LINGO2: variants seen among roughly 807,000 people sequenced by gnomAD.
LINGO2 encodes the protein leucine-rich repeat and immunoglobulin-like domain-containing nogo receptor-interacting protein 2.
In LINGO2, 14 loss-of-function variants were observed where a neutral mutation model predicts 30.6. The ratio of observed to expected loss-of-function variants is 0.46; its 90% CI spans 0.30 to 0.72. The LOEUF is 0.72. LINGO2 is among the 30% of genes least tolerant of loss of function. The pLI is 0.07. For synonymous variants in LINGO2, 317 were observed against 288.5 expected, an observed-to-expected ratio of 1.10 and a Z score of -1.00; for missense variants, 729 against 751.7, an observed-to-expected ratio of 0.97 and a Z score of 0.35.
At chr9:28,003,382 G>GATAGATAT (rs1406268724) in intron 5 of LINGO2, among the ~76,000 whole-genome samples, 159 of 137,078 alleles carry the variant, frequency 1.2e-3, no homozygotes, top group African/African-American at 4.3e-3. Flanking sequence ...TAGATAGATA[G>GATAGATAT]ATATAGAGAG....
intron 1 of LINGO2, among the ~76,000 whole-genome samples, chr9:28,607,729 G>C (rs1418669336): frequency 1.3e-5 from 2 of 151,942 alleles, no homozygotes; most frequent in East Asian, 3.9e-4. Flanking sequence ...TGTCAAATCT[G>C]ATTGAAATAC....
the LINGO2 span, among the ~76,000 whole-genome samples, chr9:29,162,551 G>A: frequency 2.0e-5 from 3 of 152,148 alleles, no homozygotes; most frequent in African/African-American, 7.2e-5. Flanking sequence ...CACAATAGAT[G>A]AATAAATATA....
chr9:28,927,227 T>C, the LINGO2 span, among the ~76,000 whole-genome samples: 1 of 152,158 alleles, frequency 6.6e-6, no homozygotes, highest in Non-Finnish European at 1.5e-5. Context: ...TATGAGCAGG[T>C]GGGGGCACTT....
At chr9:28,870,488 T>G in the LINGO2 span, among the ~76,000 whole-genome samples, 1 of 152,188 alleles carries the variant, frequency 6.6e-6, no homozygotes, top group East Asian at 1.9e-4. Flanking sequence ...AGGTTATAGC[T>G]TCTATCAGGA....
At chr9:28,517,579 G>C (rs980865072) in intron 1 of LINGO2, among the ~76,000 whole-genome samples, 2 of 152,140 alleles carry the variant, frequency 1.3e-5, no homozygotes, top group African/African-American at 4.8e-5. Context: ...CTGGTAAATT[G>C]CATTTTAATT....
chr9:28,973,485 C>T, the LINGO2 span, among the ~76,000 whole-genome samples: 1 of 152,096 alleles, frequency 6.6e-6, no homozygotes, highest in Non-Finnish European at 1.5e-5. Context: ...GGTAGTTCCA[C>T]CATACTGTTC....
chr9:28,746,815 C>A, the LINGO2 span, among the ~76,000 whole-genome samples: 3 of 152,022 alleles, frequency 2.0e-5, no homozygotes, highest in Admixed American at 1.3e-4. Flanking sequence ...TGTTAGAGTT[C>A]TGATCTAACC....
chr9:28,611,692 T>C (rs1286379758), intron 1 of LINGO2, among the ~76,000 whole-genome samples: 3 of 152,142 alleles, frequency 2.0e-5, no homozygotes, highest in Non-Finnish European at 2.9e-5. Context: ...TCCTGAGTCA[T>C]TCATGTTGTT....
chr9:28,358,826 A>C (rs535820334), intron 3 of LINGO2, among the ~76,000 whole-genome samples: 3 of 152,242 alleles, frequency 2.0e-5, no homozygotes, highest in Admixed American at 6.5e-5. Flanking sequence ...TTCTTAGTAG[A>C]CAACTGCTGG....
chr9:28,379,443 G>A (rs1035378308), intron 2 of LINGO2, among the ~76,000 whole-genome samples: 1 of 152,082 alleles, frequency 6.6e-6, no homozygotes, highest in Non-Finnish European at 1.5e-5. Context: ...CCAGGATTTA[G>A]TCTATACTCT....
chr9:28,114,637 T>C (rs1013006882), intron 4 of LINGO2, among the ~76,000 whole-genome samples: 1 of 69,758 alleles, frequency 1.4e-5, no homozygotes, highest in Non-Finnish European at 2.7e-5. Context: ...TGGTTTAGTC[T>C]TGGGAGAGTG....
At chr9:28,230,986 T>C (rs1420737216) in intron 4 of LINGO2, among the ~76,000 whole-genome samples, 2 of 151,960 alleles carry the variant, frequency 1.3e-5, no homozygotes, top group African/African-American at 4.8e-5. Flanking sequence ...ACAAATAATC[T>C]TAATCTCAGC....
chr9:29,045,525 T>C, the LINGO2 span, among the ~76,000 whole-genome samples: 2 of 151,454 alleles, frequency 1.3e-5, no homozygotes, highest in African/African-American at 4.9e-5. Flanking sequence ...AAAAAACATA[T>C]GACCATTTCA....
chr9:28,478,057 G>C (rs942557957), intron 1 of LINGO2, among the ~76,000 whole-genome samples: 1 of 152,106 alleles, frequency 6.6e-6, no homozygotes, highest in African/African-American at 2.4e-5. Context: ...TACTCAAAGA[G>C]AGTCTTTCCT....
At chr9:28,868,962 G>T in the LINGO2 span, among the ~76,000 whole-genome samples, 1 of 151,912 alleles carries the variant, frequency 6.6e-6, no homozygotes, top group Admixed American at 6.6e-5. Context: ...TTTATATCTC[G>T]CTGATTTGAT....
chr9:28,312,708 A>G (rs1325948819), intron 3 of LINGO2, among the ~76,000 whole-genome samples: 1 of 152,148 alleles, frequency 6.6e-6, no homozygotes, highest in African/African-American at 2.4e-5. Context: ...TTCTGAGAAA[A>G]TTTTAATAGT....
intron 1 of LINGO2, among the ~76,000 whole-genome samples, chr9:28,651,428 G>A (rs987382571): frequency 1.3e-5 from 2 of 152,048 alleles, no homozygotes; most frequent in African/African-American, 4.8e-5. Context: ...CTCCCTCTGA[G>A]TCCCAGTGAG....
chr9:28,445,293 C>T (rs968707863), intron 2 of LINGO2, among the ~76,000 whole-genome samples: 2 of 152,140 alleles, frequency 1.3e-5, no homozygotes, highest in African/African-American at 4.8e-5. Context: ...TGATAGTTGC[C>T]ATGTTCCTCA....
chr9:28,249,460 T>C (rs987786573), intron 4 of LINGO2, among the ~76,000 whole-genome samples: 2 of 152,262 alleles, frequency 1.3e-5, no homozygotes, highest in Non-Finnish European at 2.9e-5. Context: ...ACAAGAATTA[T>C]TGAAAACGTA....
Sources: gnomAD v4.1 joint callset for allele counts (sites outside exome capture counted in the v4.1 genomes callset) on GRCh38, gnomAD v4.1.1 for gene constraint, MANE v1.5 for transcripts, NCBI Gene and HGNC (gene_info 2026-07-23, HGNC 2026-07-21) for gene names.